The following DDX10 variants were observed in gnomAD, a reference collection of about 807,000 sequenced individuals.
DDX10 encodes the protein probable ATP-dependent RNA helicase DDX10.
In DDX10, 74 loss-of-function variants were observed where a neutral mutation model predicts 104.3. The observed-to-expected ratio is 0.71, with a 90% CI of 0.59 to 0.86. The LOEUF (loss-of-function observed/expected upper bound fraction) is 0.86. DDX10 is among the 40% of genes least tolerant of loss of function. The pLI, the probability that DDX10 is intolerant of heterozygous loss-of-function variation, is 0.00. For missense variants in DDX10, 952 were observed against 1,040.0 expected, an observed-to-expected ratio of 0.92 and a Z score of 1.16; for synonymous variants, 351 against 353.4, an observed-to-expected ratio of 0.99 and a Z score of 0.08.
At chr11:108,838,040 G>A (rs904228973) in intron 13 of DDX10, among the ~76,000 whole-genome samples, 3 of 152,034 alleles carry the variant, frequency 2.0e-5, no homozygotes, top group Non-Finnish European at 2.9e-5. Context: ...TGCTTTCCAA[G>A]TATACATTTT....
chr11:108,807,579 A>G (rs751830342), intron 13 of DDX10, among the ~76,000 whole-genome samples: 11 of 152,216 alleles, frequency 7.2e-5, no homozygotes, highest in Non-Finnish European at 1.6e-4. Flanking sequence ...AAATATGTGA[A>G]TGAAAGTAGC....
At chr11:108,923,769 A>T (rs1457322291) in intron 17 of DDX10, among the ~76,000 whole-genome samples, 1 of 152,162 alleles carries the variant, frequency 6.6e-6, no homozygotes, top group Non-Finnish European at 1.5e-5. Flanking sequence ...CACATAAGTG[A>T]TGGGTCCAAT....
chr11:108,684,714 C>T (rs1448033072), intron 6 of DDX10, among the ~76,000 whole-genome samples: 1 of 142,334 alleles, frequency 7.0e-6, no homozygotes, highest in African/African-American at 2.6e-5. Context: ...GGGTATATAC[C>T]CAGTAATGGG....
chr11:108,939,319 G>C (rs1485100079), intron 17 of DDX10, among the ~76,000 whole-genome samples: 2 of 152,164 alleles, frequency 1.3e-5, no homozygotes, highest in African/African-American at 4.8e-5. Flanking sequence ...AATCCCATGG[G>C]TGTAATCTTG....
At chr11:108,771,163 T>C (rs2094362636) in intron 13 of DDX10, among the ~76,000 whole-genome samples, 1 of 152,176 alleles carries the variant, frequency 6.6e-6, no homozygotes, top group Non-Finnish European at 1.5e-5. Flanking sequence ...TTGAGAAATA[T>C]CTATTCAACT....
At chr11:108,796,540 T>C (rs1356136425) in intron 13 of DDX10, among the ~76,000 whole-genome samples, 6 of 152,234 alleles carry the variant, frequency 3.9e-5, no homozygotes, top group African/African-American at 1.2e-4. Context: ...AGATTTTTAT[T>C]ATCTGGGATG....
intron 13 of DDX10, among the ~76,000 whole-genome samples, chr11:108,768,858 T>C (rs1018918641): frequency 6.6e-6 from 1 of 152,200 alleles, no homozygotes; most frequent in Non-Finnish European, 1.5e-5. Flanking sequence ...ATATGGTATT[T>C]AAAAATACCA....
rs143903642 is a variant in DDX10 at position 108,886,458 on chromosome 11, G to A, written c.2305-31415G>A. On this transcript the variant is annotated intron_variant, in intron 16 of 17. Transcript: ENST00000322536. ...CCATAGGTCATTGTCAGTGGCCTGT[G>A]AAAATTCATTCTTCATACCAGATTT... Among the ~76,000 whole-genome samples, 208 of 152,270 alleles carry A rather than the reference G, an allele frequency of 1.4e-3. 2 individuals carry two copies. Among genetic ancestry groups the A allele is most frequent in the African/African-American group, 4.8e-3 (200 of 41,582 alleles).
At chr11:108,721,987 C>T (rs2094298922) in intron 12 of DDX10, among the ~76,000 whole-genome samples, 1 of 152,148 alleles carries the variant, frequency 6.6e-6, no homozygotes, top group South Asian at 2.1e-4. Flanking sequence ...CCCTATATGC[C>T]AGGCACTAGT....
intron 17 of DDX10, chr11:108,921,925 T>C (rs923888669): frequency 6.6e-6 from 1 of 150,836 alleles, no homozygotes; most frequent in African/African-American, 2.5e-5. Flanking sequence ...GCCACTGCAC[T>C]CCAGCCTGTG....
intron 13 of DDX10, among the ~76,000 whole-genome samples, chr11:108,790,666 T>C (rs755049455): frequency 1.3e-5 from 2 of 152,204 alleles, no homozygotes; most frequent in African/African-American, 2.4e-5. Context: ...CTCAGATGCA[T>C]GCATTTGTGG....
chr11:108,750,926 C>CTTTTTTTTTTTTTTTTTTTTTTTTT (rs10582729), intron 13 of DDX10, among the ~76,000 whole-genome samples: 3 of 24,262 alleles, frequency 1.2e-4, no homozygotes, highest in African/African-American at 2.8e-4. Flanking sequence ...CACCTGGTTA[C>CTTTTTTTTTTTTTTTTTTTTTTTTT]TTTTTTTTTT....
chr11:108,894,120 T>C (rs1863410965), intron 16 of DDX10, among the ~76,000 whole-genome samples: 1 of 152,038 alleles, frequency 6.6e-6, no homozygotes, highest in African/African-American at 2.4e-5. Flanking sequence ...CAGATGTTAA[T>C]TATGAACTAG....
intron 16 of DDX10, among the ~76,000 whole-genome samples, chr11:108,865,499 G>A (rs552570839): frequency 5.9e-5 from 9 of 152,066 alleles, no homozygotes; most frequent in Admixed American, 1.3e-4. Flanking sequence ...TAACCATTTC[G>A]GTAGAAAGGA....
At chr11:108,701,877 G>A (rs1333700146) in intron 9 of DDX10, among the ~76,000 whole-genome samples, 1 of 151,800 alleles carries the variant, frequency 6.6e-6, no homozygotes, top group Admixed American at 6.6e-5. Flanking sequence ...GCAGAGACGG[G>A]GTTTTGCCAT....
chr11:108,755,950 C>A (rs1279789834), intron 13 of DDX10, among the ~76,000 whole-genome samples: 1 of 151,616 alleles, frequency 6.6e-6, no homozygotes, highest in African/African-American at 2.4e-5. Context: ...CTCTCTCTCT[C>A]TCTTTCTTCC....
At chr11:108,859,335 G>T (rs867955121) in intron 16 of DDX10, among the ~76,000 whole-genome samples, 1 of 152,158 alleles carries the variant, frequency 6.6e-6, no homozygotes, top group Non-Finnish European at 1.5e-5. Context: ...ACTTCTTAGA[G>T]AATTAATGTT....
At chr11:108,736,086 C>T (rs1279492798) in intron 13 of DDX10, among the ~76,000 whole-genome samples, 1 of 151,634 alleles carries the variant, frequency 6.6e-6, no homozygotes, top group Non-Finnish European at 1.5e-5. Flanking sequence ...AATCACAAAC[C>T]AATGACTTTG....
intron 10 of DDX10, among the ~76,000 whole-genome samples, chr11:108,707,400 T>C (rs747018690): frequency 6.6e-6 from 1 of 152,248 alleles, no homozygotes; most frequent in Non-Finnish European, 1.5e-5. Flanking sequence ...TTCTTTCACT[T>C]AGTAGTATGC....
Sources: allele counts gnomAD v4.1 joint callset (sites outside exome capture counted in the v4.1 genomes callset), GRCh38; gene constraint gnomAD v4.1.1; transcripts MANE v1.5; gene names NCBI Gene and HGNC (gene_info 2026-07-23, HGNC 2026-07-21).